Variants in CSMD2 observed in about 807,000 individuals in gnomAD.
CSMD2 encodes CUB and sushi domain-containing protein 2.
A neutral mutation model predicts 398.5 loss-of-function variants in CSMD2; 130 were observed. The observed-to-expected ratio is 0.33, with a 90% CI of 0.28 to 0.38. CSMD2 has a LOEUF of 0.38. Among genes scored for constraint, CSMD2 ranks in the 10% least tolerant of loss-of-function variants. The pLI, the probability that CSMD2 is intolerant of heterozygous loss-of-function variation, is 1.00. For missense variants in CSMD2, 3,829 were observed against 4,764.9 expected (o/e 0.80, Z 5.78); for synonymous variants, 1,828 against 1,908.5 (o/e 0.96, Z 1.10).
intron 1 of CSMD2, among the ~76,000 whole-genome samples, chr1:34,116,846 G>A (rs1022171618): frequency 2.6e-5 from 4 of 151,950 alleles, no homozygotes; most frequent in African/African-American, 7.2e-5. Flanking sequence ...AGGAAAACTG[G>A]AAATTCATAA....
chr1:33,652,503 C>T (rs1409688799), intron 27 of CSMD2, 42 bp from the exon 28 acceptor site: 2 of 1,605,640 alleles, frequency 1.2e-6, no homozygotes, highest in East Asian at 2.2e-5. Context: ...CCTCTTCACC[C>T]TGGGCTCATT....
Position 33,804,732 on chromosome 1 carries a change from C to A in CSMD2, c.1446+6011G>T, listed in dbSNP as rs532248389. 272 of 717,380 alleles carry A rather than the reference C, an allele frequency of 3.8e-4. No individual in the cohort carries two copies. The East Asian group carries it at 5.2e-3, about 14-fold the overall frequency. 44.4% of individuals were successfully genotyped at this position (717,380 alleles called of 1,614,324 possible). A position where few individuals can be genotyped will look rare whatever the true frequency, so the allele number is the denominator to read the frequency against. ...TGAGTGGATAGGCAGTCCTTGGATA[C>A]ACCTGTATCTCACCTGTAGGCCAGT... is the stretch of plus-strand genomic sequence containing the variant. On this transcript the variant is annotated intron_variant, in intron 10 of 70. Coordinates refer to ENST00000373381, the MANE Select transcript of CSMD2 (RefSeq NM_001281956.2).
chr1:34,020,109 A>G (rs373570627), intron 3 of CSMD2, among the ~76,000 whole-genome samples: 3 of 152,212 alleles, frequency 2.0e-5, no homozygotes, highest in African/African-American at 7.2e-5. Context: ...GTGATGGGTA[A>G]CAGGTGCTGT....
chr1:33,760,120 A>G (rs952594440), intron 13 of CSMD2, among the ~76,000 whole-genome samples: 4 of 152,192 alleles, frequency 2.6e-5, no homozygotes, highest in African/African-American at 9.7e-5. Flanking sequence ...CATCAGCATA[A>G]CCTTTGGAAA....
intron 2 of CSMD2, among the ~76,000 whole-genome samples, chr1:34,062,103 C>T (rs1654582299): frequency 6.6e-6 from 1 of 152,172 alleles, no homozygotes; most frequent in Non-Finnish European, 1.5e-5. Flanking sequence ...ATACATGTGG[C>T]TCTTTGGACT....
chr1:33,713,204 AC>A (rs1381565265), intron 21 of CSMD2, among the ~76,000 whole-genome samples: 2 of 152,004 alleles, frequency 1.3e-5, no homozygotes, highest in African/African-American at 4.8e-5. Flanking sequence ...CAGTGACCCC[AC>A]CTTGGCCTGC....
rs894682076 is a variant in CSMD2 at position 34,163,712 on chromosome 1, G to A, written c.187+1199C>T. Among the ~76,000 whole-genome samples the A allele has an allele frequency of 1.3e-5, 2 of 152,200 alleles. No homozygotes were observed. Among genetic ancestry groups the A allele is most frequent in the African/African-American group, 2.4e-5 (1 of 41,462 alleles). ...CGGCTCCAGGTCGAAGGTGCCCTAG[G>A]TCTAGGCCTGGCCAGCAGGTGTTTC... On this transcript the variant is annotated intron_variant, in intron 1 of 70. Coordinates refer to ENST00000373381, the MANE Select transcript of CSMD2 (RefSeq NM_001281956.2). The surrounding 1 kb of genome is among the most constrained non-coding windows in gnomAD (Gnocchi z 5.4).
chr1:33,991,667 G>C (rs1467457557), intron 3 of CSMD2, among the ~76,000 whole-genome samples: 1 of 152,182 alleles, frequency 6.6e-6, no homozygotes, highest in African/African-American at 2.4e-5. Flanking sequence ...AGGAATACTG[G>C]ATCTGGTGAA....
Position 33,740,203 on chromosome 1 carries a change from C to T in CSMD2, c.2174-869G>A, listed in dbSNP as rs117881143. 1.0e-3 allele frequency among the ~76,000 whole-genome samples: 158 copies of T among 152,294 alleles called. 2 individuals are homozygous for T. In the East Asian group the frequency reaches 0.024, roughly 23 times the overall value. On this transcript the variant is annotated intron_variant, in intron 14 of 70. Coordinates refer to ENST00000373381, the MANE Select transcript of CSMD2 (RefSeq NM_001281956.2). ...CTTCCCTCCTCTGCATGGGAAGATACTCTTTCCTGCTCAGTCTCTACCAAG... is the reference window on the plus strand; with the variant it reads ...CTTCCCTCCTCTGCATGGGAAGATATTCTTTCCTGCTCAGTCTCTACCAAG...
chr1:34,067,904 A>G (rs1185426273), intron 2 of CSMD2, among the ~76,000 whole-genome samples: 1 of 152,204 alleles, frequency 6.6e-6, no homozygotes, highest in Non-Finnish European at 1.5e-5. Context: ...CCATGACTCC[A>G]GGAAGTCAGG....
chr1:33,815,597 G>C (rs887351723), intron 9 of CSMD2, among the ~76,000 whole-genome samples: 1 of 152,216 alleles, frequency 6.6e-6, no homozygotes, highest in African/African-American at 2.4e-5. Flanking sequence ...TTCAGCCTTT[G>C]GAGTCAGGGT....
At chr1:33,839,221 A>C (rs1239423226) in intron 6 of CSMD2, 1 of 152,238 alleles carries the variant, frequency 6.6e-6, no homozygotes, top group East Asian at 1.9e-4. Context: ...GATGCTTGGG[A>C]TTTCCAGTAA....
chr1:33,801,356 G>A (rs534773541), intron 10 of CSMD2, among the ~76,000 whole-genome samples: 2 of 152,246 alleles, frequency 1.3e-5, no homozygotes, highest in South Asian at 4.2e-4. Context: ...GTGTAGGTAG[G>A]GGGCATCAAG....
intron 13 of CSMD2, among the ~76,000 whole-genome samples, chr1:33,765,654 G>A (rs1393626931): frequency 6.6e-6 from 1 of 152,148 alleles, no homozygotes; most frequent in Non-Finnish European, 1.5e-5. Flanking sequence ...AACTTTGTCA[G>A]CTTTGAAAAT....
At chr1:34,092,742 T>C (rs894992956) in intron 1 of CSMD2, among the ~76,000 whole-genome samples, 4 of 152,176 alleles carry the variant, frequency 2.6e-5, no homozygotes, top group Admixed American at 2.6e-4. Flanking sequence ...ATCCCGCACC[T>C]GGCTCGGAGG....
chr1:33,519,049 T>C lies in CSMD2; in HGVS notation c.*53+416A>G, dbSNP rs1240011882. On this transcript the variant is annotated intron_variant, in intron 70 of 70. Transcript: ENST00000373381. This position sits in a 1 kb window ranked among gnomAD's most constrained non-coding sequence, Gnocchi z 5.6. The stretch of plus-strand genomic sequence containing the variant: ...GGGCTTGACTTCGACCCAGAGGATG[T>C]ATATATCCAGTTGGTTCTGTTTCTC... Among the ~76,000 whole-genome samples the C allele has an allele frequency of 6.6e-6, 1 of 152,112 alleles. No homozygotes were observed. The highest frequency in any genetic ancestry group is 1.5e-5 in the Non-Finnish European group (1 of 68,018).
chr1:33,929,276 T>C (rs1357339492), intron 4 of CSMD2, among the ~76,000 whole-genome samples: 1 of 152,104 alleles, frequency 6.6e-6, no homozygotes, highest in South Asian at 2.1e-4. Context: ...TCCAGCCTGG[T>C]TGCCCATAAT....
At chr1:33,956,537 T>C (rs1366323942) in intron 3 of CSMD2, among the ~76,000 whole-genome samples, 2 of 152,188 alleles carry the variant, frequency 1.3e-5, no homozygotes, top group Non-Finnish European at 2.9e-5. Flanking sequence ...GCAGAAAACA[T>C]CACAGCTTAG....
chr1:33,825,803 G>A, intron 6 of CSMD2, 29 bp from the exon 7 acceptor site: 2 of 1,579,062 alleles, frequency 1.3e-6, no homozygotes, highest in Non-Finnish European at 1.7e-6. Flanking sequence ...GAAAAACAAT[G>A]TGAGTTGTTG....
Sources: allele counts gnomAD v4.1 joint callset (sites outside exome capture counted in the v4.1 genomes callset), GRCh38; gene constraint gnomAD v4.1.1; non-coding constraint Gnocchi (gnomAD v3.1); transcripts MANE v1.5; gene names NCBI Gene and HGNC (gene_info 2026-07-23, HGNC 2026-07-21).